Variants in SCARB2 observed in about 807,000 individuals in gnomAD.
SCARB2 encodes the protein scavenger receptor class B member 2, also known as lysosome membrane protein 2.
In SCARB2, 29 loss-of-function variants were observed where a neutral mutation model predicts 58.6. That is an observed-to-expected ratio of 0.49 (90% CI 0.37 to 0.67). SCARB2 has a LOEUF of 0.67. Among genes scored for constraint, SCARB2 ranks in the 30% least tolerant of loss-of-function variants. The pLI is 0.00. For missense variants in SCARB2, 488 were observed against 578.5 expected, an observed-to-expected ratio of 0.84 and a Z score of 1.60; for synonymous variants, 195 against 210.1, an observed-to-expected ratio of 0.93 and a Z score of 0.62.
intron 1 of SCARB2, among the ~76,000 whole-genome samples, chr4:76,222,100 G>A (rs1166842487): frequency 6.6e-6 from 1 of 152,214 alleles, no homozygotes; most frequent in African/African-American, 2.4e-5. Context: ...GGGAGGCTGG[G>A]CAGGCCCAAT....
intron 2 of SCARB2, among the ~76,000 whole-genome samples, chr4:76,182,057 A>G (rs1171336445): frequency 6.6e-6 from 1 of 152,216 alleles, no homozygotes; most frequent in Non-Finnish European, 1.5e-5. Flanking sequence ...ATTTATGCCA[A>G]AAATTTATGA....
chr4:76,222,035 A>G (rs1047017627), intron 1 of SCARB2, among the ~76,000 whole-genome samples: 2 of 152,264 alleles, frequency 1.3e-5, no homozygotes, highest in African/African-American at 4.8e-5. Flanking sequence ...ATATCTCTAT[A>G]TGAAACAACA....
At chr4:76,175,999 G>A in intron 5 of SCARB2, 89 bp from the exon 6 acceptor site, 2 of 1,463,048 alleles carry the variant, frequency 1.4e-6, no homozygotes, top group Non-Finnish European at 1.9e-6. Context: ...AGATTTAACT[G>A]GAGCTGTCTA....
At chr4:76,189,605 G>C (rs1391448954) in intron 2 of SCARB2, among the ~76,000 whole-genome samples, 2 of 151,676 alleles carry the variant, frequency 1.3e-5, no homozygotes, top group African/African-American at 4.8e-5. Context: ...GCCTTAGCCG[G>C]TGTGTGCCAC....
rs1362648921 is a variant in SCARB2, at chr4:76,160,899, T to C, written c.*814A>G. 2 of 152,184 alleles carry C rather than the reference T, an allele frequency of 1.3e-5. No homozygotes were observed. Among genetic ancestry groups the C allele is most frequent in the Non-Finnish European group, 2.9e-5 (2 of 68,032 alleles). 9.4% of individuals were successfully genotyped at this position (152,184 alleles called of 1,614,324 possible). On this transcript the variant is annotated 3_prime_UTR_variant, in exon 12 of 12. Coordinates refer to ENST00000264896, the MANE Select transcript of SCARB2 (RefSeq NM_005506.4). ...CTCTCAGAAGCATCTTTTCGTAGCA[T>C]GATCATTTTGACTAAAAAAAAAACA...
At chr4:76,178,849 C>T (rs962394834) in intron 4 of SCARB2, among the ~76,000 whole-genome samples, 9 of 152,150 alleles carry the variant, frequency 5.9e-5, no homozygotes, top group African/African-American at 2.2e-4. Flanking sequence ...GCCATAAAAA[C>T]TGGAATGCTA....
intron 3 of SCARB2, 88 bp from the exon 4 acceptor site, chr4:76,179,793 T>A: frequency 9.9e-7 from 1 of 1,006,158 alleles, no homozygotes; most frequent in Non-Finnish European, 1.6e-6. Flanking sequence ...CAAAGGGGGT[T>A]GGAAATATAA....
intron 1 of SCARB2, among the ~76,000 whole-genome samples, chr4:76,220,555 A>G (rs990530677): frequency 2.0e-5 from 3 of 152,210 alleles, no homozygotes; most frequent in Non-Finnish European, 2.9e-5. Context: ...CGAGTCCAGG[A>G]GTTCAAGGCT....
chr4:76,186,792 C>A (rs1384932439), intron 2 of SCARB2, among the ~76,000 whole-genome samples: 1 of 151,966 alleles, frequency 6.6e-6, no homozygotes, highest in Admixed American at 6.6e-5. Context: ...TGTGAGAGAT[C>A]TTTTTCTATT....
chr4:76,181,532 T>C (rs1051924111), intron 2 of SCARB2, among the ~76,000 whole-genome samples: 1 of 152,194 alleles, frequency 6.6e-6, no homozygotes, highest in Non-Finnish European at 1.5e-5. Context: ...TTTTAAAAAA[T>C]AATGCCCAAG....
chr4:76,166,635 G>T, intron 9 of SCARB2: 1 of 409,476 alleles, frequency 2.4e-6, no homozygotes, highest in African/African-American at 2.0e-5. Context: ...GGCCACTGAA[G>T]TACTGTCTTT....
upstream of SCARB2, among the ~76,000 whole-genome samples, chr4:76,218,709 T>C (rs1448263490): frequency 6.6e-6 from 1 of 152,242 alleles, no homozygotes; most frequent in Non-Finnish European, 1.5e-5. Context: ...TAGGAGGAGA[T>C]ATCCTATTCA....
chr4:76,175,112 C>A (rs1732225130), intron 6 of SCARB2: 1 of 152,542 alleles, frequency 6.6e-6, no homozygotes, highest in Non-Finnish European at 1.5e-5. Flanking sequence ...AACCAAACCA[C>A]CCCTACAGCA....
intron 4 of SCARB2, chr4:76,176,771 AGG>A (rs1732259296): frequency 2.4e-6 from 1 of 409,418 alleles, no homozygotes; most frequent in South Asian, 3.6e-5. Context: ...TTCTTAGAGG[AGG>A]AATTCTCCTC....
chr4:76,231,274 T>G (rs1033858496), intron 1 of SCARB2, among the ~76,000 whole-genome samples: 1 of 152,192 alleles, frequency 6.6e-6, no homozygotes, highest in African/African-American at 2.4e-5. Context: ...ATCCTATTCA[T>G]TCCCATCACC....
chr4:76,211,529 A>G (rs1468135790), intron 1 of SCARB2, among the ~76,000 whole-genome samples: 1 of 152,270 alleles, frequency 6.6e-6, no homozygotes, highest in Non-Finnish European at 1.5e-5. Flanking sequence ...TAAGGTTATA[A>G]GAATTATTTG....
At chr4:76,233,509 A>C (rs181501982) in intron 1 of SCARB2, among the ~76,000 whole-genome samples, 1 of 152,290 alleles carries the variant, frequency 6.6e-6, no homozygotes, top group Admixed American at 6.5e-5. Flanking sequence ...CCCTTAAAAA[A>C]ATATTAGATC....
chr4:76,224,911 T>G (rs949388281), intron 1 of SCARB2, among the ~76,000 whole-genome samples: 26 of 152,056 alleles, frequency 1.7e-4, no homozygotes, highest in African/African-American at 6.3e-4. Flanking sequence ...CCTCCTACCC[T>G]TCCCCCCAAG....
chr4:76,170,070 G>T, intron 7 of SCARB2, 85 bp from the exon 8 acceptor site: 2 of 1,228,036 alleles, frequency 1.6e-6, no homozygotes, highest in Non-Finnish European at 2.4e-6. Context: ...GCCACAGCCT[G>T]GTTCCTAAAG....
Sources: allele counts gnomAD v4.1 joint callset (sites outside exome capture counted in the v4.1 genomes callset), GRCh38; gene constraint gnomAD v4.1.1; transcripts MANE v1.5; gene names NCBI Gene and HGNC (gene_info 2026-07-23, HGNC 2026-07-21).